Variants in NEGR1 observed in about 807,000 individuals in gnomAD.
NEGR1 encodes the protein neuronal growth regulator 1, also known as IgLON family member 4.
NEGR1 carries 10 observed loss-of-function variants against 40.9 expected under a neutral mutation model. That is an observed-to-expected ratio of 0.24 (90% CI 0.15 to 0.42). NEGR1 has a LOEUF of 0.42. Among genes scored for constraint, NEGR1 ranks in the 10% least tolerant of loss-of-function variants. The probability of loss-of-function intolerance (pLI) is 1.00; values close to 1 mark genes in which losing one functional copy is unlikely to be tolerated. For synonymous variants in NEGR1, 185 were observed against 166.8 expected (o/e 1.11, Z -0.84); for missense variants, 352 against 438.9 (o/e 0.80, Z 1.77).
At chr1:71,723,804 C>T (rs1212645810) in intron 3 of NEGR1, among the ~76,000 whole-genome samples, 2 of 152,082 alleles carry the variant, frequency 1.3e-5, no homozygotes, top group African/African-American at 4.8e-5. Flanking sequence ...GTACAGGTGT[C>T]CTCGGATTTG....
chr1:72,031,470 C>T (rs1284093324), intron 1 of NEGR1, among the ~76,000 whole-genome samples: 4 of 152,074 alleles, frequency 2.6e-5, no homozygotes, highest in African/African-American at 9.7e-5. Context: ...ACATCATCAT[C>T]GTAATTATCT....
chr1:71,810,949 T>G (rs1271814886), intron 2 of NEGR1, among the ~76,000 whole-genome samples: 1 of 152,214 alleles, frequency 6.6e-6, no homozygotes, highest in Non-Finnish European at 1.5e-5. Context: ...CTAATGGATC[T>G]GTTAATTCTT....
intron 2 of NEGR1, among the ~76,000 whole-genome samples, chr1:71,875,446 A>G (rs1294190279): frequency 6.6e-6 from 1 of 152,186 alleles, no homozygotes; most frequent in African/African-American, 2.4e-5. Flanking sequence ...TTTGGAATTT[A>G]GCCGATTCAT....
chr1:72,059,275 A>G (rs1192571263), intron 1 of NEGR1, among the ~76,000 whole-genome samples: 1 of 151,348 alleles, frequency 6.6e-6, no homozygotes, highest in East Asian at 1.9e-4. Flanking sequence ...CCAACGCCAC[A>G]AAGTTCTGTG....
intron 3 of NEGR1, 43 bp from the exon 4 acceptor site, chr1:71,698,182 G>T: frequency 1.9e-6 from 3 of 1,575,870 alleles, no homozygotes; most frequent in South Asian, 1.1e-5. Flanking sequence ...GCCGCCTGAG[G>T]CTTCATTCAA....
At chr1:72,198,312 T>G (rs2100441852) in intron 1 of NEGR1, among the ~76,000 whole-genome samples, 1 of 152,156 alleles carries the variant, frequency 6.6e-6, no homozygotes, top group South Asian at 2.1e-4. Context: ...TCCAGTTCTC[T>G]TTCCTATTCC....
In NEGR1 at chr1:71,525,965, A is replaced by G. The variant is rs1055014896; in HGVS notation, c.940+66852T>C. Among the ~76,000 whole-genome samples the G allele has an allele frequency of 3.3e-5, 5 of 151,630 alleles. No homozygotes were observed. In the Admixed American group the frequency reaches 3.3e-4, roughly 10 times the overall value. On this transcript the variant is annotated intron_variant, in intron 6 of 6. Coordinates refer to ENST00000357731, the MANE Select transcript of NEGR1 (RefSeq NM_173808.3). Reference sequence around the variant, plus strand: ...TTACTTTGAGCCGAGAGTAAATCATAAGCCAAATAGCCTAAAATAATATTT... The same window carrying G: ...TTACTTTGAGCCGAGAGTAAATCATGAGCCAAATAGCCTAAAATAATATTT...
intron 2 of NEGR1, among the ~76,000 whole-genome samples, chr1:71,931,024 C>A (rs183890566): frequency 6.6e-6 from 1 of 152,242 alleles, no homozygotes; most frequent in East Asian, 1.9e-4. Flanking sequence ...CAAAAGGGCC[C>A]GGAATGTTGT....
chr1:71,818,402 A>G (rs1213908684), intron 2 of NEGR1, among the ~76,000 whole-genome samples: 3 of 152,050 alleles, frequency 2.0e-5, no homozygotes, highest in South Asian at 4.1e-4. Context: ...CAAGGAGGCC[A>G]TTATCTAACT....
intron 2 of NEGR1, among the ~76,000 whole-genome samples, chr1:71,810,204 T>G (rs1657944934): frequency 6.6e-6 from 1 of 152,144 alleles, no homozygotes; most frequent in Admixed American, 6.6e-5. Context: ...ATGCTTTGGT[T>G]AAGCTTTCCT....
At chr1:72,180,172 A>C (rs745927543) in intron 1 of NEGR1, among the ~76,000 whole-genome samples, 1 of 152,068 alleles carries the variant, frequency 6.6e-6, no homozygotes, top group Non-Finnish European at 1.5e-5. Flanking sequence ...TTACTGGCAC[A>C]AAATAGAAAC....
At chr1:71,698,224 A>G in intron 3 of NEGR1, 85 bp from the exon 4 acceptor site, 1 of 1,184,178 alleles carries the variant, frequency 8.4e-7, no homozygotes, top group Non-Finnish European at 1.2e-6. Context: ...TTCCTACAAG[A>G]TACTGCTGAC....
chr1:71,798,809 C>A (rs926701158), intron 2 of NEGR1, among the ~76,000 whole-genome samples: 1 of 152,126 alleles, frequency 6.6e-6, no homozygotes, highest in Non-Finnish European at 1.5e-5. Flanking sequence ...CCTCACAGAG[C>A]TGAGTAAGAG....
intron 1 of NEGR1, among the ~76,000 whole-genome samples, chr1:71,936,983 A>T (rs1302127025): frequency 2.0e-5 from 3 of 152,182 alleles, no homozygotes; most frequent in Non-Finnish European, 2.9e-5. Flanking sequence ...CACATACATA[A>T]AAATAGTTTG....
intron 6 of NEGR1, among the ~76,000 whole-genome samples, chr1:71,530,817 G>C (rs907343359): frequency 4.6e-5 from 7 of 151,136 alleles, no homozygotes; most frequent in South Asian, 2.1e-4. Context: ...TGCTTGAAAG[G>C]CTAAGCAGTC....
intron 1 of NEGR1, among the ~76,000 whole-genome samples, chr1:71,938,424 T>C (rs1051028445): frequency 6.6e-6 from 1 of 151,300 alleles, no homozygotes; most frequent in East Asian, 1.9e-4. Flanking sequence ...TTTTTTTTTT[T>C]TTTTTTGGTC....
intron 5 of NEGR1, among the ~76,000 whole-genome samples, chr1:71,598,413 A>G (rs1649799642): frequency 6.6e-6 from 1 of 152,174 alleles, no homozygotes; most frequent in Non-Finnish European, 1.5e-5. Context: ...ATCTGGATAT[A>G]TCTCTGGACC....
At chr1:72,151,489 C>T (rs1291597464) in intron 1 of NEGR1, among the ~76,000 whole-genome samples, 1 of 151,230 alleles carries the variant, frequency 6.6e-6, no homozygotes, top group Non-Finnish European at 1.5e-5. Flanking sequence ...TATAGCGACA[C>T]CCCCACATAC....
At chr1:72,180,704 G>GA (rs1186268884) in intron 1 of NEGR1, among the ~76,000 whole-genome samples, 1 of 152,026 alleles carries the variant, frequency 6.6e-6, no homozygotes, top group Non-Finnish European at 1.5e-5. Context: ...AAAGATATAT[G>GA]AAAAAGTGCT....
Sources: allele counts gnomAD v4.1 joint callset (sites outside exome capture counted in the v4.1 genomes callset), GRCh38; gene constraint gnomAD v4.1.1; transcripts MANE v1.5; gene names NCBI Gene and HGNC (gene_info 2026-07-23, HGNC 2026-07-21).